Variants in ADGRA3 observed in about 807,000 individuals in gnomAD.
ADGRA3 encodes G-protein coupled receptor 125.
In ADGRA3, 56 loss-of-function variants were observed where a neutral mutation model predicts 119.8. The ratio of observed to expected loss-of-function variants is 0.47; its 90% CI spans 0.38 to 0.58. ADGRA3 has a LOEUF of 0.58. Ranked by LOEUF, ADGRA3 falls within the 20% of genes least tolerant of loss-of-function variation. The pLI is 0.00. For synonymous variants in ADGRA3, 607 were observed against 623.8 expected (o/e 0.97, Z 0.40); for missense variants, 1,516 against 1,649.0 (o/e 0.92, Z 1.40).
At chr4:22,506,296 T>C (rs1277323704) in intron 1 of ADGRA3, among the ~76,000 whole-genome samples, 1 of 152,176 alleles carries the variant, frequency 6.6e-6, no homozygotes, top group Non-Finnish European at 1.5e-5. Context: ...CTCATGCCTG[T>C]AATCCCAGCA....
At chr4:22,394,940 C>A (rs924615571) in intron 16 of ADGRA3, 2 of 152,098 alleles carry the variant, frequency 1.3e-5, no homozygotes, top group Non-Finnish European at 2.9e-5. Flanking sequence ...TGATTAAAAT[C>A]TAGTAGGAAA....
chr4:22,418,728 A>G (rs1049532860), intron 12 of ADGRA3, among the ~76,000 whole-genome samples: 1 of 152,076 alleles, frequency 6.6e-6, no homozygotes, highest in Non-Finnish European at 1.5e-5. Context: ...AACATTAACA[A>G]CCTGAAATGG....
At chr4:22,499,763 G>A (rs1256197815) in intron 1 of ADGRA3, among the ~76,000 whole-genome samples, 11 of 152,124 alleles carry the variant, frequency 7.2e-5, no homozygotes, top group Admixed American at 5.2e-4. Flanking sequence ...AAGTATAAAT[G>A]CCATTGGTCA....
At chr4:22,429,666 CT>C (rs1328921529) in intron 10 of ADGRA3, among the ~76,000 whole-genome samples, 2 of 152,110 alleles carry the variant, frequency 1.3e-5, no homozygotes, top group African/African-American at 4.8e-5. Context: ...AAAAATTATT[CT>C]CTGACAATTT....
intron 14 of ADGRA3, among the ~76,000 whole-genome samples, chr4:22,411,938 G>T (rs931231637): frequency 5.3e-5 from 8 of 151,234 alleles, no homozygotes; most frequent in African/African-American, 1.9e-4. Context: ...GGTATAAGTT[G>T]AATTGAAACA....
intron 4 of ADGRA3, among the ~76,000 whole-genome samples, chr4:22,453,288 G>A (rs1403672964): frequency 6.6e-6 from 1 of 151,874 alleles, no homozygotes; most frequent in Non-Finnish European, 1.5e-5. Context: ...AATGTTTGCA[G>A]GGCAATTACA....
chr4:22,505,431 C>T (rs1045324410), intron 1 of ADGRA3, among the ~76,000 whole-genome samples: 32 of 152,018 alleles, frequency 2.1e-4, no homozygotes, highest in African/African-American at 6.3e-4. Context: ...CTGAGGTGGG[C>T]GGATCATTTG....
intron 12 of ADGRA3, among the ~76,000 whole-genome samples, chr4:22,416,178 T>G (rs1715423105): frequency 6.6e-6 from 1 of 152,212 alleles, no homozygotes; most frequent in Non-Finnish European, 1.5e-5. Context: ...GCATTTATCA[T>G]GAATATACCT....
At chr4:22,504,849 G>T (rs1719182388) in intron 1 of ADGRA3, among the ~76,000 whole-genome samples, 1 of 152,014 alleles carries the variant, frequency 6.6e-6, no homozygotes, top group African/African-American at 2.4e-5. Context: ...ACCCAACGAG[G>T]CTCCGAAAAA....
rs1213862443 is a variant in ADGRA3 at position 22,392,838 on chromosome 4, CTG to C, written c.2482-150_2482-149del. 1.1e-5 allele frequency: 7 copies of C among 641,252 alleles called. No individual in the cohort carries two copies. In the Admixed American group the frequency reaches 1.8e-4, roughly 17 times the overall value. The allele number at this position is 641,252 out of a possible 1,614,324, so 39.7% of individuals were successfully genotyped here. A position where few individuals can be genotyped will look rare whatever the true frequency, so the allele number is the denominator to read the frequency against. The stretch of plus-strand genomic sequence containing the variant: ...AACTCTGTTGCCTGCTAAGGCAACA[CTG>C]TGTTCTAATAGACATGTGACAGGGA... On this transcript the variant is annotated intron_variant, in intron 16 of 18. Coordinates refer to ENST00000334304, the MANE Select transcript of ADGRA3 (RefSeq NM_145290.4).
At position 22,473,899 on chromosome 4, in the gene ADGRA3, T is replaced by A. The variant is rs1717946936; in HGVS notation, c.258-56A>T. 6.9e-6 allele frequency: 7 copies of A among 1,019,230 alleles called. No individual in the cohort carries two copies. In the East Asian group the frequency reaches 1.7e-4, roughly 25 times the overall value. 63.1% of individuals were successfully genotyped at this position (1,019,230 alleles called of 1,614,324 possible). A position where few individuals can be genotyped will look rare whatever the true frequency, so the allele number is the denominator to read the frequency against. Reference sequence around the variant, plus strand: ...CTAATATACACTACCAATATCAAAGTAATTTAGCTTATTATGTTTAAACCT... The same window carrying A: ...CTAATATACACTACCAATATCAAAGAAATTTAGCTTATTATGTTTAAACCT... On this transcript the variant is annotated intron_variant, in intron 1 of 18. Transcript: ENST00000334304.
At chr4:22,504,212 A>C (rs1443612954) in intron 1 of ADGRA3, among the ~76,000 whole-genome samples, 1 of 151,914 alleles carries the variant, frequency 6.6e-6, no homozygotes, top group East Asian at 1.9e-4. Flanking sequence ...TATGCAATTT[A>C]AACTTCAGAA....
At chr4:22,406,246 T>C (rs1448990141) in intron 14 of ADGRA3, among the ~76,000 whole-genome samples, 3 of 152,226 alleles carry the variant, frequency 2.0e-5, no homozygotes, top group Non-Finnish European at 4.4e-5. Context: ...TAACGTTGAT[T>C]GTTTATCTTG....
intron 10 of ADGRA3, among the ~76,000 whole-genome samples, chr4:22,428,552 TG>T (rs765737894): frequency 1.5e-4 from 23 of 152,094 alleles, no homozygotes; most frequent in Admixed American, 7.2e-4. Context: ...GGTGGAGCAA[TG>T]GTTTTGGAGA....
chr4:22,467,020 G>A (rs1264048283), intron 2 of ADGRA3, among the ~76,000 whole-genome samples: 7 of 152,182 alleles, frequency 4.6e-5, no homozygotes, highest in South Asian at 2.1e-4. Flanking sequence ...GCCAGATAAC[G>A]TGGAGAATGC....
In ADGRA3 at chr4:22,388,489, C is replaced by T. The variant is rs1713948716; in HGVS notation, c.3182G>A (p.Cys1061Tyr). 1.2e-6 allele frequency: 2 copies of T among 1,614,062 alleles called. No individual in the cohort carries two copies. The highest frequency in any genetic ancestry group is 2.7e-5 in the African/African-American group (2 of 75,012). The change falls in exon 19 of 19, where the codon TGC becomes TAC. Residue 1061 changes from cysteine to tyrosine, a missense_variant. Around this residue, in one of 2 missense-constraint regions of ADGRA3, gnomAD observed 1,088 missense variants for 1,107.1 expected, o/e 0.98. Transcript: ENST00000334304. ...TGAATACGAGCTCCGTCCTGGGCAG[C>T]AAGTCATGATCCACGCAAGTCTAAC... is the stretch of plus-strand genomic sequence containing the variant. Reference protein sequence around the residue: ...EDVRLAWIMTCCPGRSSYSVQ... With the variant: ...EDVRLAWIMTYCPGRSSYSVQ...
At position 22,475,738 on chromosome 4, in the gene ADGRA3, T is replaced by G. The variant is rs28367242; in HGVS notation, c.258-1895A>C. Among the ~76,000 whole-genome samples the G allele has an allele frequency of 3.6e-4, 33 of 92,934 alleles. No homozygotes were observed. The Admixed American group carries it at 3.7e-3, about 10-fold the overall frequency. The allele number at this position is 92,934 out of a possible 152,430, so 61.0% of individuals were successfully genotyped here. On this transcript the variant is annotated intron_variant, in intron 1 of 18. Coordinates refer to ENST00000334304, the MANE Select transcript of ADGRA3 (RefSeq NM_145290.4). Reference sequence around the variant, plus strand: ...CGAGACTCCGTCTCGGAAAAAAAAATAAATAAATAAAAAAAAAAGAATGAC... The same window carrying G: ...CGAGACTCCGTCTCGGAAAAAAAAAGAAATAAATAAAAAAAAAAGAATGAC...
intron 16 of ADGRA3, among the ~76,000 whole-genome samples, chr4:22,395,826 A>C (rs1714326694): frequency 6.6e-6 from 1 of 152,206 alleles, no homozygotes; most frequent in Non-Finnish European, 1.5e-5. Context: ...GTTAATATGA[A>C]GGTTAAGACA....
intron 1 of ADGRA3, among the ~76,000 whole-genome samples, chr4:22,498,807 A>C (rs1482317277): frequency 2.6e-5 from 4 of 151,990 alleles, no homozygotes; most frequent in Non-Finnish European, 5.9e-5. Flanking sequence ...CCAGCTACTC[A>C]GGAGGCTGAG....
Sources: allele counts gnomAD v4.1 joint callset (sites outside exome capture counted in the v4.1 genomes callset), GRCh38; gene constraint gnomAD v4.1.1; regional missense constraint gnomAD v4.1.1; transcripts MANE v1.5; gene names NCBI Gene and HGNC (gene_info 2026-07-23, HGNC 2026-07-21).